The following MIER1 variants were observed in gnomAD, a reference collection of about 807,000 sequenced individuals.
MIER1 encodes mesoderm induction early response protein 1.
Under a neutral mutation model 75.7 loss-of-function variants are expected in MIER1, and 40 were observed. The ratio of observed to expected loss-of-function variants is 0.53; its 90% CI spans 0.41 to 0.69. MIER1 has a LOEUF of 0.69. Among genes scored for constraint, MIER1 ranks in the 30% least tolerant of loss-of-function variants. MIER1 has a pLI of 0.00. For synonymous variants in MIER1, 213 were observed against 223.4 expected (o/e 0.95, Z 0.42); for missense variants, 574 against 680.2 (o/e 0.84, Z 1.74).
rs753276607 is a variant in MIER1, at chr1:66,984,782, G to C, written c.1580G>C (p.Arg527Thr). The change falls in exon 14 of 14, where the codon AGA (arginine) becomes ACA (threonine). Residue 527 changes from arginine (R) to threonine (T), a missense_variant. Coordinates refer to ENST00000401041, the MANE Select transcript of MIER1 (RefSeq NM_001077700.3). ...NENDFDEKSE[R>T]PAKRRRVNSN... is the part of the protein sequence containing the mutation. ...AATGATTTTGATGAAAAAAGTGAGAGACCTGCCAAAAGGCGAAGGGTAAAC... is the reference window on the plus strand; with the variant it reads ...AATGATTTTGATGAAAAAAGTGAGACACCTGCCAAAAGGCGAAGGGTAAAC... The C allele has an allele frequency of 5.0e-6, 8 of 1,613,968 alleles. No homozygotes were observed. In the South Asian group the frequency reaches 8.8e-5, roughly 18 times the overall value.
chr1:66,930,890 T>G (rs940118563), intron 2 of MIER1, among the ~76,000 whole-genome samples: 2 of 152,154 alleles, frequency 1.3e-5, no homozygotes, highest in Non-Finnish European at 2.9e-5. Flanking sequence ...GTAATTTTCA[T>G]GATCGTGGTA....
intron 2 of MIER1, chr1:66,930,433 A>C (rs1558012214): frequency 1.2e-6 from 2 of 1,602,802 alleles, no homozygotes; most frequent in East Asian, 4.6e-5. Flanking sequence ...CCTGTCCCGG[A>C]GCCGGGCGCC....
chr1:66,930,321 T>C, intron 2 of MIER1: 1 of 1,590,608 alleles, frequency 6.3e-7, no homozygotes, highest in Non-Finnish European at 8.5e-7. Context: ...CGTTGCTGAG[T>C]CTCACATCCG....
chr1:66,955,341 T>TTG (rs1463763549), intron 4 of MIER1, among the ~76,000 whole-genome samples: 12 of 135,904 alleles, frequency 8.8e-5, no homozygotes, highest in Admixed American at 7.4e-4. Context: ...CCTGAGTTTT[T>TTG]TTTTTTTTTT....
chr1:66,938,172 C>G (rs559114300), intron 2 of MIER1, among the ~76,000 whole-genome samples: 3 of 152,280 alleles, frequency 2.0e-5, no homozygotes, highest in South Asian at 2.1e-4. Flanking sequence ...ACCAATGAAG[C>G]AACAATCAGT....
At chr1:66,974,388 T>C (rs1319963971) in intron 11 of MIER1, among the ~76,000 whole-genome samples, 1 of 152,102 alleles carries the variant, frequency 6.6e-6, no homozygotes, top group Non-Finnish European at 1.5e-5. Flanking sequence ...AAAAGTTCGT[T>C]GTTTCATGGT....
chr1:66,946,002 A>G, intron 3 of MIER1, 148 bp from the exon 4 acceptor site: 2 of 568,550 alleles, frequency 3.5e-6, no homozygotes, highest in Non-Finnish European at 5.8e-6. Context: ...TGTTGTAACT[A>G]TTAAAAAGCA....
intron 2 of MIER1, among the ~76,000 whole-genome samples, chr1:66,936,998 C>CAAAAAAAAAAAAA (rs751644771): frequency 1.5e-5 from 1 of 68,342 alleles, no homozygotes; most frequent in African/African-American, 5.9e-5. Context: ...GACTCCATCT[C>CAAAAAAAAAAAAA]AAAAAAAAAA....
intron 12 of MIER1, among the ~76,000 whole-genome samples, chr1:66,977,696 T>G (rs1401575031): frequency 6.6e-6 from 1 of 152,038 alleles, no homozygotes; most frequent in African/African-American, 2.4e-5. Context: ...CAGAAAAGAG[T>G]ATTGAACCCC....
At chr1:66,967,356 G>A (rs967969417) in intron 8 of MIER1, among the ~76,000 whole-genome samples, 5 of 152,004 alleles carry the variant, frequency 3.3e-5, no homozygotes, top group African/African-American at 1.2e-4. Context: ...TGTTCTGTAT[G>A]TCTTATTTTT....
At chr1:66,984,394 A>G (rs571012656) in intron 13 of MIER1, among the ~76,000 whole-genome samples, 178 bp from the exon 14 acceptor site, 72 of 152,376 alleles carry the variant, frequency 4.7e-4, no homozygotes, top group Admixed American at 2.4e-3. Flanking sequence ...AAATGGAGAT[A>G]CAGAAAGAGT....
chr1:66,925,216 A>C, intron 1 of MIER1, 121 bp downstream of exon 1: 1 of 1,392,704 alleles, frequency 7.2e-7, no homozygotes, highest in Non-Finnish European at 9.3e-7. Flanking sequence ...TACCGCCCGG[A>C]AGACCCTTAA....
chr1:66,968,374 T>G (rs1359810888), intron 8 of MIER1, among the ~76,000 whole-genome samples: 2 of 152,200 alleles, frequency 1.3e-5, no homozygotes, highest in Non-Finnish European at 2.9e-5. Context: ...CAGTGCTGAT[T>G]AGTGCATTCT....
rs1047077160 is a variant in MIER1 at position 66,959,115 on chromosome 1, T to G, written c.634+132T>G. ...CTTTTCAACAGTAAATGGATTTTGTTGTAAGTTATTAGTTTAGCAATGCAG... is the reference window on the plus strand; with the variant it reads ...CTTTTCAACAGTAAATGGATTTTGTGGTAAGTTATTAGTTTAGCAATGCAG... On this transcript the variant is annotated intron_variant, in intron 6 of 13. Coordinates refer to ENST00000401041, the MANE Select transcript of MIER1 (RefSeq NM_001077700.3). The G allele has an allele frequency of 4.0e-6, 3 of 759,402 alleles. No individual in the cohort carries two copies. In the African/African-American group the frequency reaches 5.3e-5, roughly 13 times the overall value. The allele number at this position is 759,402 out of a possible 1,614,324, so 47.0% of individuals were successfully genotyped here.
At position 66,963,144 on chromosome 1, in the gene MIER1, C is replaced by A; in HGVS notation, c.756C>A (p.Tyr252Ter). The change falls in exon 8 of 14, where the codon TAC (tyrosine) becomes TAA (stop). Residue 252 changes from tyrosine (Y) to a stop codon, truncating the protein, a stop_gained. Coordinates refer to ENST00000401041, the MANE Select transcript of MIER1 (RefSeq NM_001077700.3). LOFTEE classifies it high-confidence loss of function. The stretch of plus-strand genomic sequence containing the variant: ...AAATTCCAGTTGGCATTTGTAGATA[C>A]AAAGAAAATGAAAAAGGTGGGTTAT... ...QAEIPVGICR[Y>*]KENEKVYEND... is the part of the protein sequence containing the mutation. 6.2e-7 allele frequency: 1 copy of A among 1,608,882 alleles called. No homozygotes were observed. Among genetic ancestry groups the A allele is most frequent in the Non-Finnish European group, 8.5e-7 (1 of 1,175,932 alleles).
At chr1:66,930,355 G>T (rs1264171705) in intron 2 of MIER1, 2 of 1,606,334 alleles carry the variant, frequency 1.2e-6, no homozygotes. Flanking sequence ...ACCCAGCTGC[G>T]GCCGCCGCGG....
rs35924256 is a variant in MIER1, at chr1:66,969,545, C to CAA, written c.773-1234_773-1233dup. On this transcript the variant is annotated intron_variant, in intron 8 of 13. Coordinates refer to ENST00000401041, the MANE Select transcript of MIER1 (RefSeq NM_001077700.3). ...GGGCAACAGAGCAAGACTTCGTCTC[C>CAA]AAAAAAAAAAAAAAAAAAAAAAAAA... is the stretch of plus-strand genomic sequence containing the variant. 8.1e-3 allele frequency among the ~76,000 whole-genome samples: 516 copies of CAA among 63,590 alleles called. 24 individuals carry two copies. Among genetic ancestry groups the CAA allele is most frequent in the South Asian group, 0.03 (29 of 980 alleles). The allele number at this position is 63,590 out of a possible 152,430, so 41.7% of individuals were successfully genotyped here.
chr1:66,931,141 CTTGT>C (rs922719774), intron 2 of MIER1, among the ~76,000 whole-genome samples: 1 of 145,684 alleles, frequency 6.9e-6, no homozygotes, highest in African/African-American at 2.5e-5. Context: ...GAAGCTTTTT[CTTGT>C]TTCTTTTTGC....
Position 66,985,896 on chromosome 1 carries a change from T to A in MIER1, c.*996T>A. On this transcript the variant is annotated 3_prime_UTR_variant, in exon 14 of 14. Coordinates refer to ENST00000401041, the MANE Select transcript of MIER1 (RefSeq NM_001077700.3). ...TCTGAAATTAAGCATGATGCTTAGA[T>A]TGCAGTTTGTTTTGCATTTGCTATA... 1 of 966,380 alleles carries A rather than the reference T, an allele frequency of 1.0e-6. No individual in the cohort carries two copies. The highest frequency in any genetic ancestry group is 1.2e-6 in the Non-Finnish European group (1 of 812,826). The allele number at this position is 966,380 out of a possible 1,614,324, so 59.9% of individuals were successfully genotyped here.
Sources: gnomAD v4.1 joint callset for allele counts (sites outside exome capture counted in the v4.1 genomes callset) on GRCh38, gnomAD v4.1.1 for gene constraint, MANE v1.5 for transcripts, NCBI Gene and HGNC (gene_info 2026-07-23, HGNC 2026-07-21) for gene names.